KIF6: variants seen among roughly 807,000 people sequenced by gnomAD.
KIF6 encodes the protein kinesin-like protein KIF6.
In KIF6, 106 loss-of-function variants were observed where a neutral mutation model predicts 112.7. The ratio of observed to expected loss-of-function variants is 0.94; its 90% CI spans 0.80 to 1.11. KIF6 has a LOEUF of 1.11. Among genes scored for constraint, KIF6 ranks in the 50% least tolerant of loss-of-function variants. KIF6 has a pLI of 0.00. For synonymous variants in KIF6, 339 were observed against 339.9 expected (o/e 1.00, Z 0.03); for missense variants, 929 against 964.0 (o/e 0.96, Z 0.48).
chr6:39,337,211 CT>C (rs1197445487), intron 22 of KIF6, among the ~76,000 whole-genome samples: 8 of 94,560 alleles, frequency 8.5e-5, no homozygotes, highest in African/African-American at 6.4e-4. Flanking sequence ...TTCTTTCTTT[CT>C]TTCTTTCTTT....
rs865863916 is a variant in KIF6 at position 39,646,902 on chromosome 6, G to A, written c.252-7145C>T. 2.0e-5 allele frequency among the ~76,000 whole-genome samples: 3 copies of A among 152,282 alleles called. No homozygotes were observed. In the South Asian group the frequency reaches 6.2e-4, roughly 32 times the overall value. ...CAGTTATTTTGAAATCCCCAGAGCA[G>A]TTAACTTCTGTCTACTGTAACCCTC... is the stretch of plus-strand genomic sequence containing the variant. On this transcript the variant is annotated intron_variant, in intron 3 of 22. Coordinates refer to ENST00000287152, the MANE Select transcript of KIF6 (RefSeq NM_145027.6).
intron 3 of KIF6, among the ~76,000 whole-genome samples, chr6:39,656,857 G>T (rs562836312): frequency 6.6e-6 from 1 of 152,238 alleles, no homozygotes; most frequent in Non-Finnish European, 1.5e-5. Context: ...CTTCCTAAGA[G>T]AGAATGGAGG....
chr6:39,338,749 T>C (rs1763159805), intron 22 of KIF6, among the ~76,000 whole-genome samples: 1 of 152,178 alleles, frequency 6.6e-6, no homozygotes, highest in Admixed American at 6.5e-5. Context: ...GTACAAGGAC[T>C]GGCAGGGCAA....
chr6:39,420,757 A>G (rs923645188), intron 14 of KIF6, among the ~76,000 whole-genome samples: 1 of 152,196 alleles, frequency 6.6e-6, no homozygotes, highest in Non-Finnish European at 1.5e-5. Context: ...CAGTTTTTAT[A>G]GGGTTGGGAT....
intron 3 of KIF6, among the ~76,000 whole-genome samples, chr6:39,705,326 A>G (rs302592): frequency 0.87 from 131,999 of 152,218 alleles, 57,534 homozygotes; most frequent in East Asian, 0.97. Flanking sequence ...TTTGAGAACC[A>G]CTGGCCTAGA....
intron 19 of KIF6, among the ~76,000 whole-genome samples, chr6:39,349,628 G>GTTTTTTTTTTTTTTT (rs1764063802): frequency 8.6e-6 from 1 of 116,682 alleles, no homozygotes; most frequent in African/African-American, 3.6e-5. Context: ...TTAATTTGTG[G>GTTTTTTTTTTTTTTT]CTCTTTTTTT....
intron 19 of KIF6, among the ~76,000 whole-genome samples, chr6:39,355,526 C>T (rs181434668): frequency 0.01 from 1,417 of 139,882 alleles, 28 homozygotes; most frequent in African/African-American, 0.036. Context: ...TGCAGTGGTG[C>T]GATCTCGGCT....
intron 3 of KIF6, among the ~76,000 whole-genome samples, chr6:39,686,203 A>G (rs987933781): frequency 2.6e-5 from 4 of 152,206 alleles, no homozygotes; most frequent in Non-Finnish European, 5.9e-5. Context: ...AGCTTAATAG[A>G]TCTGTCTGGA....
intron 3 of KIF6, among the ~76,000 whole-genome samples, chr6:39,641,752 A>C (rs971908003): frequency 3.9e-5 from 6 of 152,072 alleles, no homozygotes; most frequent in Non-Finnish European, 8.8e-5. Flanking sequence ...AAAAGTGAGT[A>C]GGTAGTACAC....
chr6:39,539,744 CTT>C (rs1778679429), intron 13 of KIF6, among the ~76,000 whole-genome samples: 1 of 152,174 alleles, frequency 6.6e-6, no homozygotes, highest in Non-Finnish European at 1.5e-5. Flanking sequence ...TATTTGTTCC[CTT>C]TCTCTAAAAT....
At chr6:39,426,165 G>T (rs958869651) in intron 14 of KIF6, among the ~76,000 whole-genome samples, 1 of 152,226 alleles carries the variant, frequency 6.6e-6, no homozygotes, top group Non-Finnish European at 1.5e-5. Context: ...GCCAAGCATG[G>T]GGTTTCCAGC....
chr6:39,711,101 A>T (rs1789524694), intron 3 of KIF6, among the ~76,000 whole-genome samples: 1 of 150,248 alleles, frequency 6.7e-6, no homozygotes, highest in Admixed American at 6.6e-5. Context: ...AAAAGAAAGA[A>T]TTTTTTTTAA....
intron 13 of KIF6, among the ~76,000 whole-genome samples, chr6:39,435,654 T>C (rs1771472855): frequency 6.6e-6 from 1 of 152,198 alleles, no homozygotes; most frequent in Non-Finnish European, 1.5e-5. Context: ...CGAGTTACTT[T>C]ACTTAGGATA....
At chr6:39,604,803 T>A (rs1309329582) in intron 6 of KIF6, among the ~76,000 whole-genome samples, 2 of 152,080 alleles carry the variant, frequency 1.3e-5, no homozygotes, top group Non-Finnish European at 2.9e-5. Flanking sequence ...TCCTAACAAG[T>A]CTGGAATCAA....
chr6:39,344,482 C>T (rs1399522065), intron 21 of KIF6, among the ~76,000 whole-genome samples: 1 of 152,166 alleles, frequency 6.6e-6, no homozygotes, highest in African/African-American at 2.4e-5. Context: ...GTCAGGGGCT[C>T]CAGCTGCCCC....
intron 15 of KIF6, among the ~76,000 whole-genome samples, chr6:39,387,265 C>A (rs556114709): frequency 1.3e-5 from 2 of 152,166 alleles, no homozygotes; most frequent in African/African-American, 4.8e-5. Flanking sequence ...TGGATCAGCA[C>A]AGAAAAAGAT....
At chr6:39,604,426 G>A (rs1486413867) in intron 6 of KIF6, among the ~76,000 whole-genome samples, 1 of 152,080 alleles carries the variant, frequency 6.6e-6, no homozygotes, top group Non-Finnish European at 1.5e-5. Flanking sequence ...CACCTACCTT[G>A]AACTTTTCTG....
chr6:39,562,532 C>T (rs1479829631), intron 10 of KIF6, among the ~76,000 whole-genome samples: 1 of 152,196 alleles, frequency 6.6e-6, no homozygotes, highest in Non-Finnish European at 1.5e-5. Flanking sequence ...GCCACATAAA[C>T]TCCTTAGAAG....
intron 4 of KIF6, among the ~76,000 whole-genome samples, chr6:39,636,615 A>G (rs1784634044): frequency 6.6e-6 from 1 of 152,020 alleles, no homozygotes; most frequent in Non-Finnish European, 1.5e-5. Context: ...AAAATATTCC[A>G]TGGAATACTC....
Sources: allele counts gnomAD v4.1 joint callset (sites outside exome capture counted in the v4.1 genomes callset), GRCh38; gene constraint gnomAD v4.1.1; transcripts MANE v1.5; gene names NCBI Gene and HGNC (gene_info 2026-07-23, HGNC 2026-07-21).